The following NUP214 variants were observed in gnomAD, a reference collection of about 807,000 sequenced individuals.
NUP214 encodes the protein nuclear pore complex protein Nup214.
In NUP214, 79 loss-of-function variants were observed where a neutral mutation model predicts 196.2. That is an observed-to-expected ratio of 0.40 (90% CI 0.34 to 0.49). The LOEUF (loss-of-function observed/expected upper bound fraction) is 0.49, where lower values mean the gene tolerates loss of function less well. Among genes scored for constraint, NUP214 ranks in the 20% least tolerant of loss-of-function variants. The pLI is 0.58. For synonymous variants in NUP214, 1,020 were observed against 990.5 expected (o/e 1.03, Z -0.56); for missense variants, 2,468 against 2,539.0 (o/e 0.97, Z 0.60).
At position 131,175,541 on chromosome 9, in the gene NUP214, C is replaced by G. The variant is rs1280180124; in HGVS notation, c.3239C>G (p.Pro1080Arg). Residue 1080 changes from proline (P) to arginine (R), a missense_variant, in exon 23 of 36, where the codon CCT becomes CGT. Pro to Arg is a moderately radical substitution (Grantham distance 103). Transcript: ENST00000359428. ...ACGAAAACCGTGAAACATGGTGCACCTAGTCCTTCCCACCCCATCTCAGCC... is the reference window on the plus strand; with the variant it reads ...ACGAAAACCGTGAAACATGGTGCACGTAGTCCTTCCCACCCCATCTCAGCC... ...LATKTVKHGAPSPSHPISAPQ... is the reference protein window; with the variant it reads ...LATKTVKHGARSPSHPISAPQ... The G allele has an allele frequency of 6.2e-7, 1 of 1,614,202 alleles. No homozygotes were observed.
intron 24 of NUP214, among the ~76,000 whole-genome samples, chr9:131,179,589 TG>T (rs1469545972): frequency 6.6e-6 from 1 of 152,176 alleles, no homozygotes; most frequent in Non-Finnish European, 1.5e-5. Context: ...ATAGACCTTG[TG>T]GTTCTCCACA....
Position 131,133,224 on chromosome 9 carries a change from G to A in NUP214, c.831+15G>A, listed in dbSNP as rs369221045. Reference sequence around the variant, plus strand: ...CTCTACTACCGGTATGCCTGTGGAAGAAATTTCATTGTTTGAGAATTAGAG... The same window carrying A: ...CTCTACTACCGGTATGCCTGTGGAAAAAATTTCATTGTTTGAGAATTAGAG... On this transcript the variant is annotated intron_variant, in intron 7 of 35. Coordinates refer to ENST00000359428, the MANE Select transcript of NUP214 (RefSeq NM_005085.4). The A allele has an allele frequency of 3.0e-5, 43 of 1,445,732 alleles. No homozygotes were observed. In the African/African-American group the frequency reaches 6.0e-4, roughly 20 times the overall value. The allele number at this position is 1,445,732 out of a possible 1,614,324, so 89.6% of individuals were successfully genotyped here. A position where few individuals can be genotyped will look rare whatever the true frequency, so the allele number is the denominator to read the frequency against.
chr9:131,224,601 C>T (rs536812013), intron 32 of NUP214, among the ~76,000 whole-genome samples: 1 of 152,316 alleles, frequency 6.6e-6, no homozygotes. Flanking sequence ...TACATGGAGT[C>T]TCATATTTAG....
rs952913573 is a variant in NUP214 at position 131,197,251 on chromosome 9, G to A, written c.3757G>A (p.Asp1253Asn). The A allele has an allele frequency of 6.2e-7, 1 of 1,614,018 alleles. No homozygotes were observed. The highest frequency in any genetic ancestry group is 1.3e-5 in the African/African-American group (1 of 74,882). Residue 1253 changes from aspartate (D) to asparagine (N), a missense_variant, in exon 29 of 36, where the codon GAC becomes AAC. Asp to Asn is a conservative substitution (Grantham distance 23). Coordinates refer to ENST00000359428, the MANE Select transcript of NUP214 (RefSeq NM_005085.4). ...CTCCACTAAAGAGTCAAGCCAGCCG[G>A]ACGCATTCTCATCTGGTGGGGGAAG... ...TPSTKESSQP[D>N]AFSSGGGSKP...
chr9:131,139,246 CTTCTTCTTCTT>C, intron 9 of NUP214, 24 bp from the exon 10 acceptor site: 1 of 1,406,882 alleles, frequency 7.1e-7, no homozygotes, highest in Non-Finnish European at 9.3e-7. Context: ...CTTTTTTCTT[CTTCTTCTTCTT>C]TTTTTTTTTT....
chr9:131,127,482 C>T, intron 1 of NUP214, 42 bp from the exon 2 acceptor site: 1 of 1,512,196 alleles, frequency 6.6e-7, no homozygotes, highest in Non-Finnish European at 9.0e-7. Context: ...GTTTTAATTT[C>T]TTTCTTTATT....
intron 24 of NUP214, among the ~76,000 whole-genome samples, chr9:131,185,225 CAT>C (rs1328871456): frequency 6.6e-6 from 1 of 152,188 alleles, no homozygotes; most frequent in Non-Finnish European, 1.5e-5. Context: ...ATCCATGGAA[CAT>C]GTGTGCATTT....
In NUP214 at chr9:131,130,762, T is replaced by C. The variant is rs1042020658; in HGVS notation, c.593-4T>C. The stretch of plus-strand genomic sequence containing the variant: ...TTTCATTTGGTAATACTGTCTTTGC[T>C]CAGTGTGCTGGAGCCCCAAAGGAAA... On this transcript the variant is annotated splice_region_variant and splice_polypyrimidine_tract_variant and intron_variant, in intron 4 of 35. Coordinates refer to ENST00000359428, the MANE Select transcript of NUP214 (RefSeq NM_005085.4). The C allele has an allele frequency of 1.2e-6, 2 of 1,613,884 alleles. No individual in the cohort carries two copies. Among genetic ancestry groups the C allele is most frequent in the Non-Finnish European group, 8.5e-7 (1 of 1,179,890 alleles).
intron 30 of NUP214, among the ~76,000 whole-genome samples, chr9:131,208,413 C>G (rs780833706): frequency 1.2e-4 from 18 of 152,180 alleles, no homozygotes; most frequent in Non-Finnish European, 2.4e-4. Flanking sequence ...GAGTGAAGTT[C>G]TTGGCCGGGT....
intron 4 of NUP214, among the ~76,000 whole-genome samples, chr9:131,130,132 G>GTTTTTTTTTTTTTTTTTTTT (rs1245763919): frequency 2.1e-5 from 1 of 46,550 alleles, no homozygotes; most frequent in Non-Finnish European, 4.3e-5. Flanking sequence ...ATGATTTCTG[G>GTTTTTTTTTTTTTTTTTTTT]TTTTGTTTTT....
In NUP214 at chr9:131,195,228, G is replaced by A; in HGVS notation, c.3660-5G>A. On this transcript the variant is annotated splice_polypyrimidine_tract_variant and splice_region_variant and intron_variant, in intron 27 of 35. Coordinates refer to ENST00000359428, the MANE Select transcript of NUP214 (RefSeq NM_005085.4). ...CTTTTTAATTTCTCTTTTTCCACTTGTTAGGACTGGCTTTAATTTTGGGAT... is the reference window on the plus strand; with the variant it reads ...CTTTTTAATTTCTCTTTTTCCACTTATTAGGACTGGCTTTAATTTTGGGAT... 2 of 1,606,792 alleles carry A rather than the reference G, an allele frequency of 1.2e-6. No individual in the cohort carries two copies. Among genetic ancestry groups the A allele is most frequent in the Non-Finnish European group, 1.7e-6 (2 of 1,175,032 alleles).
chr9:131,163,531 A>T (rs1832703478), intron 19 of NUP214, among the ~76,000 whole-genome samples: 1 of 152,170 alleles, frequency 6.6e-6, no homozygotes, highest in Non-Finnish European at 1.5e-5. Flanking sequence ...CAGATTTGCC[A>T]TTCTGCTTGA....
intron 10 of NUP214, among the ~76,000 whole-genome samples, chr9:131,140,167 C>T (rs374693890): frequency 2.6e-5 from 4 of 152,160 alleles, no homozygotes; most frequent in African/African-American, 9.7e-5. Flanking sequence ...AGAGTCTAGT[C>T]TCATTTTCCT....
chr9:131,157,639 T>G (rs187326485), intron 17 of NUP214, among the ~76,000 whole-genome samples: 50 of 151,276 alleles, frequency 3.3e-4, no homozygotes, highest in African/African-American at 1.2e-3. Flanking sequence ...TAATTTTTGT[T>G]TTTTGTTTTT....
Position 131,135,964 on chromosome 9 carries a change from G to A in NUP214, c.963G>A (p.Ala321=), listed in dbSNP as rs777956868. 15 of 1,613,780 alleles carry A rather than the reference G, an allele frequency of 9.3e-6. No homozygotes were observed. The highest frequency in any genetic ancestry group is 2.7e-5 in the African/African-American group (2 of 74,914). The change falls in exon 9 of 36, where the codon GCG becomes GCA. Residue 321 remains alanine, a synonymous_variant. Transcript: ENST00000359428. ...GGGATTTAGTGCTGGCAGCATCTGC[G>A]GCTTCAACAGAAGTTAGTATCCTTG... ...EEWDLVLAAS[A]ASTEVSILAR... is the part of the protein sequence containing the mutation.
At chr9:131,214,577 T>C (rs1251023209) in intron 30 of NUP214, among the ~76,000 whole-genome samples, 3 of 152,172 alleles carry the variant, frequency 2.0e-5, no homozygotes, top group Non-Finnish European at 4.4e-5. Context: ...TCCAGAGAAG[T>C]TAAGTGTCTG....
chr9:131,170,014 G>A (rs1832909124), intron 21 of NUP214, among the ~76,000 whole-genome samples: 1 of 152,128 alleles, frequency 6.6e-6, no homozygotes, highest in African/African-American at 2.4e-5. Context: ...AGGGAAAATG[G>A]GGAGTTAGTG....
intron 14 of NUP214, chr9:131,149,951 C>A (rs564527773): frequency 6.2e-6 from 1 of 160,278 alleles, no homozygotes; most frequent in African/African-American, 2.4e-5. Flanking sequence ...TTGCAGCCTC[C>A]GTTCAGATGG....
At chr9:131,182,941 A>T (rs1465491575) in intron 24 of NUP214, among the ~76,000 whole-genome samples, 1 of 152,222 alleles carries the variant, frequency 6.6e-6, no homozygotes, top group Non-Finnish European at 1.5e-5. Flanking sequence ...ACTGTCTTCA[A>T]GTGATACTAT....
Sources: allele counts gnomAD v4.1 joint callset (sites outside exome capture counted in the v4.1 genomes callset), GRCh38; gene constraint gnomAD v4.1.1; transcripts MANE v1.5; gene names NCBI Gene and HGNC (gene_info 2026-07-23, HGNC 2026-07-21).